RPL3L: variants seen among roughly 807,000 people sequenced by gnomAD.
RPL3L encodes the protein ribosomal protein uL3-like.
RPL3L carries 44 observed loss-of-function variants against 44.5 expected under a neutral mutation model. The ratio of observed to expected loss-of-function variants is 0.99; its 90% confidence interval spans 0.78 to 1.27. The LOEUF is 1.27. Among genes scored for constraint, RPL3L ranks in the 50% most tolerant of loss-of-function variants. RPL3L has a pLI of 0.00. For missense variants in RPL3L, 631 were observed against 569.1 expected, an observed-to-expected ratio of 1.11 and a Z score of -1.11; for synonymous variants, 292 against 230.7, an observed-to-expected ratio of 1.27 and a Z score of -2.41.
At chr16:1,945,380 A>AAT in intron 9 of RPL3L, 119 bp downstream of exon 9, 1 of 1,005,886 alleles carries the variant, frequency 9.9e-7, no homozygotes, top group Non-Finnish European at 1.4e-6. Context: ...TAAAAAAAAA[A>AAT]GAGTCTCTCC....
intron 2 of RPL3L, 92 bp from the exon 3 acceptor site, chr16:1,953,134 G>A (rs2083183565): frequency 7.3e-7 from 1 of 1,373,596 alleles, no homozygotes; most frequent in African/African-American, 1.5e-5. Context: ...GGCAGGACAG[G>A]AGAGTGTGGG....
chr16:1,945,601 G>A lies in RPL3L; in HGVS notation c.1065C>T (p.His355=). Residue 355 remains histidine (H), a synonymous_variant, in exon 9 of 10, where the codon CAC becomes CAT. Transcript: ENST00000268661. Reference sequence around the variant, plus strand: ...CAATATTCTCCACGGCTTGGCGACTGTGATGCACCAGGAGGGACTGGGGAA... The same window carrying A: ...CAATATTCTCCACGGCTTGGCGACTATGATGCACCAGGAGGGACTGGGGAA... ...ITLRKSLLVH[H]SRQAVENIEL... 1.2e-6 allele frequency: 2 copies of A among 1,613,916 alleles called. No individual in the cohort carries two copies. The highest frequency in any genetic ancestry group is 2.2e-5 in the East Asian group (1 of 44,858).
Position 1,954,043 on chromosome 16 carries a change from G to C in RPL3L, c.109C>G (p.Pro37Ala). 6.2e-7 allele frequency: 1 copy of C among 1,608,380 alleles called. No individual in the cohort carries two copies. Among genetic ancestry groups the C allele is most frequent in the Non-Finnish European group, 8.5e-7 (1 of 1,178,036 alleles). The change falls in exon 2 of 10, where the codon CCC (proline) becomes GCC (alanine). Residue 37 changes from proline to alanine, a missense_variant. Transcript: ENST00000268661. ...GKVKTWPRDD[P>A]SQPVHLTAFL... ...GCCGTGAGGTGCACGGGCTGGCTGG[G>C]GTCATCCCGCGGCCACGTCTTCACC...
intron 4 of RPL3L, among the ~76,000 whole-genome samples, chr16:1,950,514 G>A (rs918383902): frequency 5.1e-4 from 77 of 152,240 alleles, no homozygotes; most frequent in African/African-American, 1.6e-3. Context: ...GTACAAACAC[G>A]GATTCCTGTG....
chr16:1,947,469 C>T, intron 4 of RPL3L, 89 bp from the exon 5 acceptor site: 1 of 1,383,094 alleles, frequency 7.2e-7, no homozygotes, highest in African/African-American at 1.4e-5. Context: ...CCCCTGCCGC[C>T]TTCCACGCAT....
At position 1,947,064 on chromosome 16, in the gene RPL3L, C is replaced by A. The variant is rs367867638; in HGVS notation, c.723G>T (p.Pro241=). The A allele has an allele frequency of 6.2e-7, 1 of 1,613,432 alleles. No individual in the cohort carries two copies. Among genetic ancestry groups the A allele is most frequent in the Non-Finnish European group, 8.5e-7 (1 of 1,179,976 alleles). ...VTSRWHTKKL[P]RKTHKGLRKV... ...TGCGCAGGCCCTTATGGGTCTTCCG[C>A]GGCAGCTTCTTGGTATGCCAGCGGC... The change falls in exon 6 of 10, where the codon CCG becomes CCT. Residue 241 remains proline (P), a synonymous_variant. Transcript: ENST00000268661.
chr16:1,947,051 T>C lies in RPL3L; in HGVS notation c.736A>G (p.Lys246Glu), dbSNP rs751331793. The C allele has an allele frequency of 5.0e-6, 8 of 1,613,320 alleles. No individual in the cohort carries two copies. Among genetic ancestry groups the C allele is most frequent in the South Asian group, 4.4e-5 (4 of 91,090 alleles). Residue 246 changes from lysine to glutamate, a missense_variant, in exon 6 of 10, where the codon AAG becomes GAG. Transcript: ENST00000268661. ...HTKKLPRKTH[K>E]GLRKVACIGA... ...ATGCAGGCCACCTTGCGCAGGCCCT[T>C]ATGGGTCTTCCGCGGCAGCTTCTTG...
rs2083190498 is a variant in RPL3L at position 1,954,081 on chromosome 16, C to T, written c.71G>A (p.Arg24Gln). 1.6e-5 allele frequency: 25 copies of T among 1,604,044 alleles called. No individual in the cohort carries two copies. The highest frequency in any genetic ancestry group is 1.9e-5 in the Non-Finnish European group (22 of 1,176,326). ...LGFLPHKRSH[R>Q]HRGKVKTWPR... ...CCACGTCTTCACCTTGCCCCGGTGC[C>T]GGTGGCTCCTCTTATGGGGCAGGAA... The change falls in exon 2 of 10, where the codon CGG becomes CAG. Residue 24 changes from arginine to glutamine, a missense_variant. Coordinates refer to ENST00000268661, the MANE Select transcript of RPL3L (RefSeq NM_005061.3).
chr16:1,945,437 G>A (rs549391187), intron 9 of RPL3L, 62 bp downstream of exon 9: 12 of 1,563,626 alleles, frequency 7.7e-6, no homozygotes, highest in African/African-American at 6.8e-5. Flanking sequence ...CTCCCTACTC[G>A]GGCAGGCTGG....
chr16:1,953,705 G>A (rs952712957), intron 2 of RPL3L, among the ~76,000 whole-genome samples: 1 of 152,232 alleles, frequency 6.6e-6, no homozygotes, highest in Non-Finnish European at 1.5e-5. Flanking sequence ...TAGCTCCTGC[G>A]CTTACCGCCC....
At position 1,950,848 on chromosome 16, in the gene RPL3L, G is replaced by A. The variant is rs754791986; in HGVS notation, c.497C>T (p.Thr166Ile). 6.2e-7 allele frequency: 1 copy of A among 1,614,088 alleles called. No homozygotes were observed. Among genetic ancestry groups the A allele is most frequent in the South Asian group, 1.1e-5 (1 of 91,088 alleles). The stretch of plus-strand genomic sequence containing the variant: ...AGCGGAGGGCCGGGGGCTGACCTGA[G>A]TGTGGACAATGACCCGAATGACCTT... ...YCKVIRVIVHTQMKLLPFRQK... is the reference protein window; with the variant it reads ...YCKVIRVIVHIQMKLLPFRQK... Residue 166 changes from threonine (T) to isoleucine (I), a missense_variant, in exon 4 of 10, where the codon ACT (threonine) becomes ATT (isoleucine). Thr to Ile is a moderately conservative substitution (Grantham distance 89). Coordinates refer to ENST00000268661, the MANE Select transcript of RPL3L (RefSeq NM_005061.3).
chr16:1,953,045 GGAT>G lies in RPL3L; in HGVS notation c.197-6_197-4del. On this transcript the variant is annotated splice_polypyrimidine_tract_variant and splice_region_variant and intron_variant, in intron 2 of 9. Coordinates refer to ENST00000268661, the MANE Select transcript of RPL3L (RefSeq NM_005061.3). Reference sequence around the variant, plus strand: ...CACCTCCTCCCGTTTGGAAATTTCTGGATGAGACACAGGGATGGGGCATGAAGG... The same window carrying G: ...CACCTCCTCCCGTTTGGAAATTTCTGGAGACACAGGGATGGGGCATGAAGG... The G allele has an allele frequency of 6.3e-7, 1 of 1,589,564 alleles. No individual in the cohort carries two copies. Among genetic ancestry groups the G allele is most frequent in the East Asian group, 2.2e-5 (1 of 44,718 alleles).
chr16:1,944,564 C>A lies in RPL3L; in HGVS notation c.*273G>T, dbSNP rs1290343682. The A allele has an allele frequency of 4.5e-5, 11 of 246,830 alleles. No homozygotes were observed. Among genetic ancestry groups the A allele is most frequent in the Admixed American group, 5.2e-5 (1 of 19,242 alleles). 15.3% of individuals were successfully genotyped at this position (246,830 alleles called of 1,614,324 possible). ...CTCTCAAAAAAAAAAAAAAAAAAAA[C>A]CTCTGCTCCGCAAATGCTCAAAGAG... On this transcript the variant is annotated 3_prime_UTR_variant, in exon 10 of 10. Coordinates refer to ENST00000268661, the MANE Select transcript of RPL3L (RefSeq NM_005061.3).
chr16:1,947,432 C>T (rs779851897), intron 4 of RPL3L, 52 bp from the exon 5 acceptor site: 25 of 1,471,124 alleles, frequency 1.7e-5, no homozygotes, highest in Admixed American at 2.5e-5. Flanking sequence ...CACACCCCCA[C>T]CTGAAACATG....
chr16:1,945,627 T>C lies in RPL3L; in HGVS notation c.1048-9A>G. ...TGATGCACCAGGAGGGACTGGGGAATCCATGGTAAAGTAAACATCAAGTGT... is the reference window on the plus strand; with the variant it reads ...TGATGCACCAGGAGGGACTGGGGAACCCATGGTAAAGTAAACATCAAGTGT... On this transcript the variant is annotated splice_polypyrimidine_tract_variant and intron_variant, in intron 8 of 9. Coordinates refer to ENST00000268661, the MANE Select transcript of RPL3L (RefSeq NM_005061.3). The C allele has an allele frequency of 6.2e-7, 1 of 1,613,522 alleles. No homozygotes were observed. The highest frequency in any genetic ancestry group is 2.2e-5 in the East Asian group (1 of 44,834).
rs924039479 is a variant in RPL3L, at chr16:1,947,240, A to G, written c.642T>C (p.Ser214=). The G allele has an allele frequency of 2.5e-6, 4 of 1,612,194 alleles. No individual in the cohort carries two copies. The highest frequency in any genetic ancestry group is 1.1e-5 in the South Asian group (1 of 91,024). The stretch of plus-strand genomic sequence containing the variant: ...TGACAGCAATGACATCAATGACCTC[A>G]CTCTGGCTGAACACGCTGTGCACGG... ...QVPVHSVFSQ[S]EVIDVIAVTK... Residue 214 remains serine, a synonymous_variant, in exon 5 of 10, where the codon AGT becomes AGC. Coordinates refer to ENST00000268661, the MANE Select transcript of RPL3L (RefSeq NM_005061.3).
intron 1 of RPL3L, 59 bp from the exon 2 acceptor site, chr16:1,954,207 G>C: frequency 6.8e-7 from 1 of 1,460,818 alleles, no homozygotes; most frequent in Non-Finnish European, 9.2e-7. Context: ...AGAGCTGGAT[G>C]GTCCCAGAAC....
intron 9 of RPL3L, 129 bp downstream of exon 9, chr16:1,945,370 T>TAAA: frequency 1.4e-6 from 1 of 734,998 alleles, no homozygotes; most frequent in Non-Finnish European, 1.9e-6. Context: ...ATAAAATAAA[T>TAAA]AAAAAAAAAA....
In RPL3L at chr16:1,947,111, G is replaced by T. The variant is rs953715104; in HGVS notation, c.689-13C>A. Reference sequence around the variant, plus strand: ...CGGCTTGTGACCCCTGTGAGTGAGAGGGGCTGGTGGCTGAGAGGCCAGGCT... The same window carrying T: ...CGGCTTGTGACCCCTGTGAGTGAGATGGGCTGGTGGCTGAGAGGCCAGGCT... On this transcript the variant is annotated splice_polypyrimidine_tract_variant and intron_variant, in intron 5 of 9. Transcript: ENST00000268661. 2.5e-6 allele frequency: 4 copies of T among 1,613,328 alleles called. No individual in the cohort carries two copies. The highest frequency in any genetic ancestry group is 1.7e-4 in the Middle Eastern group (1 of 6,058).
Sources: gnomAD v4.1 joint callset for allele counts (sites outside exome capture counted in the v4.1 genomes callset) on GRCh38, gnomAD v4.1.1 for gene constraint, MANE v1.5 for transcripts, NCBI Gene and HGNC (gene_info 2026-07-23, HGNC 2026-07-21) for gene names.